The following COL3A1 variants were observed in gnomAD, a reference collection of about 807,000 sequenced individuals.
COL3A1 encodes the protein collagen alpha-1(III) chain.
In COL3A1, 46 loss-of-function variants were observed where a neutral mutation model predicts 200.9. The ratio of observed to expected loss-of-function variants is 0.23; its 90% CI spans 0.18 to 0.29. The LOEUF (loss-of-function observed/expected upper bound fraction) is 0.29. COL3A1 is among the 10% of genes least tolerant of loss of function. The pLI, the probability that COL3A1 is intolerant of heterozygous loss-of-function variation, is 1.00. For synonymous variants in COL3A1, 650 were observed against 628.0 expected (o/e 1.03, Z -0.52); for missense variants, 1,367 against 1,917.6 (o/e 0.71, Z 5.36).
Position 189,003,391 on chromosome 2 carries a change from T to A in COL3A1, c.2554-20T>A. On this transcript the variant is annotated intron_variant, in intron 36 of 50. Transcript: ENST00000304636. ...TGATTTTGGTGCTATTCTTACATAATTTCCTTCCATTTCATATAGGGTCCT... is the reference window on the plus strand; with the variant it reads ...TGATTTTGGTGCTATTCTTACATAAATTCCTTCCATTTCATATAGGGTCCT... The A allele has an allele frequency of 1.2e-6, 2 of 1,612,176 alleles. No homozygotes were observed. Among genetic ancestry groups the A allele is most frequent in the Non-Finnish European group, 1.7e-6 (2 of 1,178,400 alleles).
chr2:189,004,372 T>C lies in COL3A1; in HGVS notation c.2931+8T>C, dbSNP rs949146538. The C allele has an allele frequency of 3.8e-6, 6 of 1,582,156 alleles. No individual in the cohort carries two copies. The African/African-American group carries it at 8.0e-5, about 21-fold the overall frequency. ...GGCCCTCAGGGTGTCAAGGTGAGTA[T>C]AGTCATTTTCCACTACACTCTTCCT... On this transcript the variant is annotated splice_region_variant and intron_variant, in intron 40 of 50. Transcript: ENST00000304636.
chr2:188,997,474 C>A, intron 26 of COL3A1, 85 bp downstream of exon 26: 1 of 1,399,762 alleles, frequency 7.1e-7, no homozygotes, highest in Non-Finnish European at 1.0e-6. Context: ...TAATCTCTGA[C>A]ACCATGTTGT....
At position 189,007,577 on chromosome 2, in the gene COL3A1, C is replaced by A. The variant is rs1376067428; in HGVS notation, c.3333C>A (p.Phe1111Leu). ...GAAGIKGHRG[F>L]PGNPGAPGSP... is the part of the protein sequence containing the mutation. ...CTGGCATCAAAGGACATCGAGGATT[C>A]CCTGGTAATCCAGGTGCCCCAGGTT... Residue 1111 changes from phenylalanine to leucine, a missense_variant, in exon 45 of 51, where the codon TTC (phenylalanine) becomes TTA (leucine). Coordinates refer to ENST00000304636, the MANE Select transcript of COL3A1 (RefSeq NM_000090.4). The A allele has an allele frequency of 1.2e-6, 2 of 1,613,210 alleles. No individual in the cohort carries two copies. The highest frequency in any genetic ancestry group is 1.7e-6 in the Non-Finnish European group (2 of 1,179,570).
intron 36 of COL3A1, 91 bp from the exon 37 acceptor site, chr2:189,003,320 T>A: frequency 9.0e-7 from 1 of 1,111,984 alleles, no homozygotes; most frequent in Non-Finnish European, 1.4e-6. Flanking sequence ...TTTAACCTCT[T>A]CATAGAGTTC....
intron 21 of COL3A1, 74 bp downstream of exon 21, chr2:188,995,173 T>G: frequency 7.2e-7 from 1 of 1,382,092 alleles, no homozygotes; most frequent in South Asian, 1.2e-5. Flanking sequence ...AATTTCTCAT[T>G]CATGAAAACC....
chr2:188,978,100 A>G (rs568426204), intron 1 of COL3A1: 49 of 404,952 alleles, frequency 1.2e-4, no homozygotes, highest in South Asian at 8.0e-4. Flanking sequence ...CTATTTATGT[A>G]TAGGCCTTTA....
Position 189,003,039 on chromosome 2 carries a change from C to G in COL3A1, c.2530C>G (p.Pro844Ala), listed in dbSNP as rs780490668. The change falls in exon 36 of 51, where the codon CCC (proline) becomes GCC (alanine). Residue 844 changes from proline to alanine, a missense_variant. Pro to Ala is a conservative substitution (Grantham distance 27). Transcript: ENST00000304636. ...AGGAGGCCCTCCTGGAGTTGCAGGA[C>G]CCCCTGGAGGTTCTGGACCTGCTGT... The part of the protein sequence containing the change: ...GEGGPPGVAG[P>A]PGGSGPAGPP... 6.4e-7 allele frequency: 1 copy of G among 1,551,286 alleles called. No homozygotes were observed. The highest frequency in any genetic ancestry group is 8.7e-7 in the Non-Finnish European group (1 of 1,146,754).
At position 188,988,141 on chromosome 2, in the gene COL3A1, A is replaced by G. The variant is rs2153501745; in HGVS notation, c.582+7A>G. 6.2e-7 allele frequency: 1 copy of G among 1,610,506 alleles called. No homozygotes were observed. The highest frequency in any genetic ancestry group is 8.5e-7 in the Non-Finnish European group (1 of 1,176,958). On this transcript the variant is annotated splice_region_variant and intron_variant, in intron 6 of 50. Transcript: ENST00000304636. The stretch of plus-strand genomic sequence containing the variant: ...TGGTCATCCTGGTTCCCCTGTAAGT[A>G]TAGCCATTGGTGGTGTTTTCTTCCT...
intron 41 of COL3A1, among the ~76,000 whole-genome samples, chr2:189,005,921 C>G (rs1559061487): frequency 6.6e-6 from 1 of 152,106 alleles, no homozygotes; most frequent in Non-Finnish European, 1.5e-5. Flanking sequence ...TTTCCACTAA[C>G]AGTTTAGATC....
At chr2:189,004,208 A>G (rs1688535306) in intron 39 of COL3A1, 49 bp from the exon 40 acceptor site, 4 of 1,606,412 alleles carry the variant, frequency 2.5e-6, no homozygotes, top group Non-Finnish European at 3.4e-6. Context: ...TCGATTAGAG[A>G]AAAACACTGT....
At chr2:188,984,005 T>A (rs1688011419) in intron 1 of COL3A1, among the ~76,000 whole-genome samples, 1 of 151,966 alleles carries the variant, frequency 6.6e-6, no homozygotes, top group Non-Finnish European at 1.5e-5. Flanking sequence ...TTGAAGCAAT[T>A]TTTTTTACCA....
At chr2:188,995,440 C>T (rs763984410) in intron 21 of COL3A1, among the ~76,000 whole-genome samples, 2 of 152,186 alleles carry the variant, frequency 1.3e-5, no homozygotes, top group Non-Finnish European at 2.9e-5. Context: ...TTGATTTTAG[C>T]TGCACATAAT....
intron 48 of COL3A1, 35 bp downstream of exon 48, chr2:189,009,256 G>A: frequency 1.2e-6 from 2 of 1,612,214 alleles, no homozygotes; most frequent in African/African-American, 1.3e-5. Context: ...CATGGCAATA[G>A]GATTACAGAG....
rs1559060820 is a variant in COL3A1, at chr2:189,004,251, T to TC, written c.2824-6_2824-5insC. On this transcript the variant is annotated splice_polypyrimidine_tract_variant and splice_region_variant and intron_variant, in intron 39 of 50. Transcript: ENST00000304636. ...AGATGAGCTAAGTCTTCATTATCTGTATTAGGGAGCTCCAGGCCCACTTGG... is the reference window on the plus strand; with the variant it reads ...AGATGAGCTAAGTCTTCATTATCTGTCATTAGGGAGCTCCAGGCCCACTTGG... 1 of 1,601,078 alleles carries TC rather than the reference T, an allele frequency of 6.2e-7. No homozygotes were observed. The highest frequency in any genetic ancestry group is 8.5e-7 in the Non-Finnish European group (1 of 1,173,626).
At chr2:189,005,834 A>G (rs1266730682) in intron 41 of COL3A1, among the ~76,000 whole-genome samples, 2 of 152,156 alleles carry the variant, frequency 1.3e-5, no homozygotes, top group Non-Finnish European at 2.9e-5. Context: ...AATTGTATAC[A>G]TTTATAAGGT....
rs759595125 is a variant in COL3A1, at chr2:188,994,839, T to C, written c.1455+8T>C. ...GGAGCTGCAGGAGAAAGGGTACGTTTTCCATGGGGCATCTAAAAGAAAAGC... is the reference window on the plus strand; with the variant it reads ...GGAGCTGCAGGAGAAAGGGTACGTTCTCCATGGGGCATCTAAAAGAAAAGC... On this transcript the variant is annotated splice_region_variant and intron_variant, in intron 20 of 50. Coordinates refer to ENST00000304636, the MANE Select transcript of COL3A1 (RefSeq NM_000090.4). The surrounding 1 kb of genome is among the most constrained non-coding windows in gnomAD (Gnocchi z 4.5). The C allele has an allele frequency of 6.2e-7, 1 of 1,612,524 alleles. No individual in the cohort carries two copies. Among genetic ancestry groups the C allele is most frequent in the African/African-American group, 1.3e-5 (1 of 74,840 alleles).
intron 6 of COL3A1, 111 bp downstream of exon 6, chr2:188,988,245 G>A: frequency 1.0e-6 from 1 of 965,730 alleles, no homozygotes; most frequent in Non-Finnish European, 1.7e-6. Context: ...GTTAACTAGA[G>A]AAATCATAAC....
intron 44 of COL3A1, 106 bp downstream of exon 44, chr2:189,007,096 A>AATATATATATATATATATAT: frequency 4.5e-6 from 1 of 223,842 alleles, no homozygotes; most frequent in East Asian, 1.4e-4. Context: ...AAAAAGAATG[A>AATATATATATATATATATAT]ATATATATAT....
At chr2:189,005,146 C>T (rs1457885757) in intron 40 of COL3A1, among the ~76,000 whole-genome samples, 2 of 152,150 alleles carry the variant, frequency 1.3e-5, no homozygotes, top group Non-Finnish European at 2.9e-5. Context: ...CAGCCCTTTG[C>T]CATCCAGAGT....
Sources: allele counts gnomAD v4.1 joint callset (sites outside exome capture counted in the v4.1 genomes callset), GRCh38; gene constraint gnomAD v4.1.1; non-coding constraint Gnocchi (gnomAD v3.1); transcripts MANE v1.5; gene names NCBI Gene and HGNC (gene_info 2026-07-23, HGNC 2026-07-21).